The following SPTSSB variants were observed in gnomAD, a reference collection of about 807,000 sequenced individuals.
The protein encoded by SPTSSB is androgen down regulated in mouse prostate.
Under a neutral mutation model 7.7 loss-of-function variants are expected in SPTSSB, and 6 were observed. The observed-to-expected ratio is 0.78, with a 90% CI of 0.43 to 1.54. The LOEUF is 1.54. Ranked by LOEUF, SPTSSB falls within the 40% of genes most tolerant of loss-of-function variation. The pLI is 0.01. For synonymous variants in SPTSSB, 28 were observed against 29.7 expected, an observed-to-expected ratio of 0.94 and a Z score of 0.19; for missense variants, 91 against 93.0, an observed-to-expected ratio of 0.98 and a Z score of 0.09.
chr3:161,359,752 G>C, intron 2 of SPTSSB, 50 bp downstream of exon 2: 2 of 985,322 alleles, frequency 2.0e-6, no homozygotes, highest in Non-Finnish European at 2.4e-6. Context: ...CAGTGAAAAG[G>C]GGCAGATTTC....
chr3:161,367,994 G>A (rs1473708371), intron 1 of SPTSSB, among the ~76,000 whole-genome samples: 3 of 152,186 alleles, frequency 2.0e-5, no homozygotes, highest in Non-Finnish European at 4.4e-5. Context: ...AGCATTGCAA[G>A]CAAATTCTTT....
rs1178711916 is a variant in SPTSSB at position 161,345,133 on chromosome 3, G to C, written c.*960C>G. 1 of 152,578 alleles carries C rather than the reference G, an allele frequency of 6.6e-6. No homozygotes were observed. The highest frequency in any genetic ancestry group is 1.5e-5 in the Non-Finnish European group (1 of 68,026). 9.5% of individuals were successfully genotyped at this position (152,578 alleles called of 1,614,324 possible). A position where few individuals can be genotyped will look rare whatever the true frequency, so the allele number is the denominator to read the frequency against. On this transcript the variant is annotated 3_prime_UTR_variant, in exon 3 of 3. Coordinates refer to ENST00000620149, the MANE Select transcript of SPTSSB (RefSeq NM_001040100.2). The stretch of plus-strand genomic sequence containing the variant: ...TATTTGTTTTAAAGATAAACAGTTT[G>C]AAGGAAATTTAATAAATCTTGTTTT...
chr3:161,346,864 G>A (rs138110747), intron 2 of SPTSSB, among the ~76,000 whole-genome samples: 1 of 152,310 alleles, frequency 6.6e-6, no homozygotes, highest in African/African-American at 2.4e-5. Flanking sequence ...GGTTGCTTTT[G>A]AGGGGCCACG....
intron 2 of SPTSSB, among the ~76,000 whole-genome samples, chr3:161,347,065 G>A (rs1475420652): frequency 6.6e-6 from 1 of 152,126 alleles, no homozygotes; most frequent in Non-Finnish European, 1.5e-5. Flanking sequence ...CTGGAGTCAA[G>A]TTGAAATGAC....
At chr3:161,369,384 C>CTTTTTTTT (rs1560109152) in intron 1 of SPTSSB, among the ~76,000 whole-genome samples, 2 of 38,620 alleles carry the variant, frequency 5.2e-5, no homozygotes, top group Non-Finnish European at 9.4e-5. Context: ...CTCTTTCTTT[C>CTTTTTTTT]CTTTTTTTTT....
chr3:161,353,514 C>T (rs766602490), intron 2 of SPTSSB, among the ~76,000 whole-genome samples: 5 of 151,480 alleles, frequency 3.3e-5, no homozygotes, highest in African/African-American at 7.3e-5. Context: ...AAACAAATGG[C>T]GAAATATTTC....
chr3:161,355,944 G>C (rs948070359), intron 2 of SPTSSB, among the ~76,000 whole-genome samples: 1 of 152,078 alleles, frequency 6.6e-6, no homozygotes, highest in African/African-American at 2.4e-5. Flanking sequence ...TTTTTAAAAA[G>C]TTATTAAAAG....
At chr3:161,356,785 C>T (rs1437127896) in intron 2 of SPTSSB, among the ~76,000 whole-genome samples, 1 of 152,152 alleles carries the variant, frequency 6.6e-6, no homozygotes, top group African/African-American at 2.4e-5. Context: ...GCTGCCCTTT[C>T]ATTGCCCTCA....
At chr3:161,358,458 G>T (rs1164396730) in intron 2 of SPTSSB, among the ~76,000 whole-genome samples, 2 of 152,026 alleles carry the variant, frequency 1.3e-5, no homozygotes, top group Non-Finnish European at 2.9e-5. Flanking sequence ...CTGGAGAACA[G>T]GAATAAGATA....
intron 2 of SPTSSB, among the ~76,000 whole-genome samples, chr3:161,352,832 C>T (rs562119704): frequency 2.6e-5 from 4 of 152,132 alleles, no homozygotes; most frequent in African/African-American, 9.6e-5. Context: ...ATAACAAATG[C>T]TTTTTTACTT....
chr3:161,365,425 TAGA>T (rs1210156619), intron 1 of SPTSSB, among the ~76,000 whole-genome samples: 2 of 152,230 alleles, frequency 1.3e-5, no homozygotes, highest in Admixed American at 1.3e-4. Flanking sequence ...CTCAGGGGCA[TAGA>T]AGAAGACTCT....
chr3:161,370,233 G>A lies in SPTSSB; in HGVS notation c.-126+1202C>T, dbSNP rs577941705. On this transcript the variant is annotated intron_variant, in intron 1 of 2. Coordinates refer to ENST00000620149, the MANE Select transcript of SPTSSB (RefSeq NM_001040100.2). Reference sequence around the variant, plus strand: ...AGAAAACCAATGAGAGTTGAGGACTGGTTGATTTTCAACTTCAAATCGACT... The same window carrying A: ...AGAAAACCAATGAGAGTTGAGGACTAGTTGATTTTCAACTTCAAATCGACT... 2.7e-4 allele frequency among the ~76,000 whole-genome samples: 41 copies of A among 152,190 alleles called. No individual in the cohort carries two copies. The South Asian group carries it at 3.6e-3, about 13-fold the overall frequency.
chr3:161,349,132 T>C (rs886772570), intron 2 of SPTSSB, among the ~76,000 whole-genome samples: 3 of 152,300 alleles, frequency 2.0e-5, no homozygotes, highest in Middle Eastern at 3.4e-3. Context: ...TCCTTCTGAA[T>C]ATTAATGGCT....
intron 2 of SPTSSB, among the ~76,000 whole-genome samples, chr3:161,348,778 C>G (rs1362993554): frequency 6.6e-6 from 1 of 152,166 alleles, no homozygotes; most frequent in Non-Finnish European, 1.5e-5. Flanking sequence ...CTTGAAAACA[C>G]TGATTGTCTC....
intron 1 of SPTSSB, among the ~76,000 whole-genome samples, chr3:161,361,501 A>C (rs1386169658): frequency 6.6e-6 from 1 of 152,178 alleles, no homozygotes; most frequent in Admixed American, 6.5e-5. Flanking sequence ...GTGGAGTTTG[A>C]AATTGGCAAA....
At chr3:161,369,600 G>C (rs1335235873) in intron 1 of SPTSSB, among the ~76,000 whole-genome samples, 2 of 151,642 alleles carry the variant, frequency 1.3e-5, no homozygotes, top group Non-Finnish European at 2.9e-5. Context: ...TTGTTGTTGA[G>C]TTCTTCATTT....
chr3:161,369,751 A>G (rs1715427461), intron 1 of SPTSSB, among the ~76,000 whole-genome samples: 1 of 151,984 alleles, frequency 6.6e-6, no homozygotes, highest in Non-Finnish European at 1.5e-5. Context: ...TATACTGTAG[A>G]CGAGGATCTA....
At chr3:161,348,516 C>A (rs1714365737) in intron 2 of SPTSSB, among the ~76,000 whole-genome samples, 1 of 152,086 alleles carries the variant, frequency 6.6e-6, no homozygotes, top group Non-Finnish European at 1.5e-5. Flanking sequence ...CGCTAAAAGT[C>A]AAACAATCAA....
chr3:161,369,671 A>T (rs1715422945), intron 1 of SPTSSB, among the ~76,000 whole-genome samples: 1 of 151,992 alleles, frequency 6.6e-6, no homozygotes, highest in South Asian at 2.1e-4. Flanking sequence ...AGTTGCTCTT[A>T]TCTAGAATAG....
Sources: gnomAD v4.1 joint callset for allele counts (sites outside exome capture counted in the v4.1 genomes callset) on GRCh38, gnomAD v4.1.1 for gene constraint, MANE v1.5 for transcripts, NCBI Gene and HGNC (gene_info 2026-07-23, HGNC 2026-07-21) for gene names.